CELSR1: variants seen among roughly 807,000 people sequenced by gnomAD.
CELSR1 encodes adhesion G protein-coupled receptor C1.
CELSR1 carries 110 observed loss-of-function variants against 249.1 expected under a neutral mutation model. That is an observed-to-expected ratio of 0.44 (90% CI 0.38 to 0.52). CELSR1 has a LOEUF of 0.52. Ranked by LOEUF, CELSR1 falls within the 20% of genes least tolerant of loss-of-function variation. The pLI, the probability that CELSR1 is intolerant of heterozygous loss-of-function variation, is 0.00. For synonymous variants in CELSR1, 2,113 were observed against 1,900.0 expected, an observed-to-expected ratio of 1.11 and a Z score of -2.92; for missense variants, 4,109 against 4,296.4, an observed-to-expected ratio of 0.96 and a Z score of 1.22.
Position 46,393,890 on chromosome 22 carries a change from C to T in CELSR1, c.5964+252G>A, listed in dbSNP as rs558240745. ...GAGGCAGGGATTCCTGTTCCACGGG[C>T]GGGGGCTGGCAGGGCTGAACCCGTA... On this transcript the variant is annotated intron_variant, in intron 14 of 34. Transcript: ENST00000674500. This position sits in a 1 kb window ranked among gnomAD's most constrained non-coding sequence, Gnocchi z 4.1. 2.0e-3 allele frequency among the ~76,000 whole-genome samples: 299 copies of T among 152,268 alleles called. 4 individuals are homozygous for T. Among genetic ancestry groups the T allele is most frequent in the East Asian group, 1.7e-3 (9 of 5,180 alleles).
In CELSR1 at chr22:46,363,160, T is replaced by G. The variant is rs1569099035; in HGVS notation, c.*63A>C. 6.2e-7 allele frequency: 1 copy of G among 1,613,700 alleles called. No individual in the cohort carries two copies. Among genetic ancestry groups the G allele is most frequent in the South Asian group, 1.1e-5 (1 of 91,074 alleles). Reference sequence around the variant, plus strand: ...TCTGAGGGTGATGCCGCAGCCTGTGTGGGGTGACGGGCTTGCCTCACGGTT... The same window carrying G: ...TCTGAGGGTGATGCCGCAGCCTGTGGGGGGTGACGGGCTTGCCTCACGGTT... On this transcript the variant is annotated 3_prime_UTR_variant, in exon 35 of 35. Coordinates refer to ENST00000674500, the MANE Select transcript of CELSR1 (RefSeq NM_001378328.1). This position sits in a 1 kb window ranked among gnomAD's most constrained non-coding sequence, Gnocchi z 4.3.
intron 1 of CELSR1, among the ~76,000 whole-genome samples, chr22:46,477,463 G>A (rs1299295234): frequency 6.6e-6 from 1 of 152,034 alleles, no homozygotes; most frequent in Non-Finnish European, 1.5e-5. Context: ...CCTGTGGGGA[G>A]ACGCTGAGTG....
At chr22:46,364,996 C>T (rs961109795) in intron 32 of CELSR1, among the ~76,000 whole-genome samples, 3 of 152,226 alleles carry the variant, frequency 2.0e-5, no homozygotes, top group African/African-American at 4.8e-5. Context: ...CTTGCGGTGA[C>T]AGTCCACAGA....
intron 1 of CELSR1, among the ~76,000 whole-genome samples, chr22:46,504,568 C>A (rs1329709030): frequency 6.6e-6 from 1 of 150,594 alleles, no homozygotes; most frequent in African/African-American, 2.4e-5. Context: ...ACTGCATCTT[C>A]CCCAAAGAGA....
chr22:46,371,474 G>C (rs142785630), intron 25 of CELSR1, among the ~76,000 whole-genome samples: 79 of 152,284 alleles, frequency 5.2e-4, no homozygotes, highest in Middle Eastern at 3.4e-3. Flanking sequence ...CCAACTTTCT[G>C]ATTTTAAGCA....
At position 46,536,062 on chromosome 22, in the gene CELSR1, T is replaced by G. The variant is rs780817483; in HGVS notation, c.1109A>C (p.Tyr370Ser). 2 of 1,611,008 alleles carry G rather than the reference T, an allele frequency of 1.2e-6. No homozygotes were observed. The highest frequency in any genetic ancestry group is 1.7e-6 in the Non-Finnish European group (2 of 1,179,934). The stretch of plus-strand genomic sequence containing the variant: ...GCTGGCGCGGATGGTCAGCACCTCG[T>G]AGCCCACCTCCAGGTTCTCCCGCAC... ...ERVRENLEVGYEVLTIRASDR... is the reference protein window; with the variant it reads ...ERVRENLEVGSEVLTIRASDR... Residue 370 changes from tyrosine (Y) to serine (S), a missense_variant, in exon 1 of 35, where the codon TAC becomes TCC. Tyr to Ser is a moderately radical substitution (Grantham distance 144). Around this residue, in one of 7 missense-constraint regions of CELSR1, gnomAD observed 673 missense variants for 636.8 expected, o/e 1.06. Transcript: ENST00000674500.
intron 5 of CELSR1, among the ~76,000 whole-genome samples, chr22:46,415,067 G>C (rs990164357): frequency 3.3e-5 from 5 of 152,222 alleles, no homozygotes; most frequent in Admixed American, 1.3e-4. Flanking sequence ...GTCCAGGACA[G>C]GCACATCCAC....
intron 9 of CELSR1, among the ~76,000 whole-genome samples, chr22:46,405,304 CA>C (rs1460608439): frequency 7.3e-5 from 11 of 151,076 alleles, no homozygotes; most frequent in African/African-American, 2.4e-4. Flanking sequence ...ACTAAAAATA[CA>C]AAAAATTAGC....
intron 2 of CELSR1, among the ~76,000 whole-genome samples, chr22:46,443,227 G>A (rs1569166626): frequency 6.6e-6 from 1 of 152,244 alleles, no homozygotes; most frequent in African/African-American, 2.4e-5. Flanking sequence ...GAGCATGCAC[G>A]GCCTCCACGC....
chr22:46,524,869 G>A (rs9615379), intron 1 of CELSR1, among the ~76,000 whole-genome samples: 50,261 of 152,096 alleles, frequency 0.33, 9,044 homozygotes, highest in African/African-American at 0.47. Flanking sequence ...GGCTGTCCGT[G>A]CTTCTGCGCA....
intron 24 of CELSR1, among the ~76,000 whole-genome samples, chr22:46,375,213 C>CCGGTGT (rs1569112909): frequency 6.6e-6 from 1 of 152,208 alleles, no homozygotes; most frequent in Non-Finnish European, 1.5e-5. Context: ...GCCGGTCCAG[C>CCGGTGT]CCCACAGACA....
At chr22:46,419,582 G>A (rs1395242628) in intron 5 of CELSR1, among the ~76,000 whole-genome samples, 1 of 152,220 alleles carries the variant, frequency 6.6e-6, no homozygotes, top group African/African-American at 2.4e-5. Flanking sequence ...CCACAACACA[G>A]TAGCCTGAGT....
Position 46,534,746 on chromosome 22 carries a change from C to T in CELSR1, c.2425G>A (p.Ala809Thr), listed in dbSNP as rs774875014. 1.2e-6 allele frequency: 2 copies of T among 1,613,096 alleles called. No individual in the cohort carries two copies. Among genetic ancestry groups the T allele is most frequent in the South Asian group, 2.2e-5 (2 of 91,082 alleles). ...SEDRPVGTSI[A>T]TLSANDEDTG... Reference sequence around the variant, plus strand: ...TCCTCATCGTTGGCACTGAGGGTAGCAATGGAGGTGCCCACAGGCCTGTCC... The same window carrying T: ...TCCTCATCGTTGGCACTGAGGGTAGTAATGGAGGTGCCCACAGGCCTGTCC... The change falls in exon 1 of 35, where the codon GCT becomes ACT. Residue 809 changes from alanine (A) to threonine (T), a missense_variant. Physicochemically the swap from Ala to Thr is moderately conservative, Grantham distance 58. Coordinates refer to ENST00000674500, the MANE Select transcript of CELSR1 (RefSeq NM_001378328.1). This position sits in a 1 kb window ranked among gnomAD's most constrained non-coding sequence, Gnocchi z 9.7.
intron 20 of CELSR1, among the ~76,000 whole-genome samples, chr22:46,383,998 T>TA (rs747467526): frequency 6.6e-6 from 1 of 151,872 alleles, no homozygotes; most frequent in Admixed American, 6.6e-5. Flanking sequence ...CAGGCTGGCA[T>TA]ATCTCGGCTC....
chr22:46,491,032 C>A (rs2080362220), intron 1 of CELSR1, among the ~76,000 whole-genome samples: 1 of 151,966 alleles, frequency 6.6e-6, no homozygotes, highest in South Asian at 2.1e-4. Flanking sequence ...AAATGGAGGG[C>A]CCCCCAACAT....
chr22:46,457,831 G>C (rs1179865155), intron 2 of CELSR1, among the ~76,000 whole-genome samples: 2 of 152,202 alleles, frequency 1.3e-5, no homozygotes, highest in African/African-American at 4.8e-5. Flanking sequence ...AAGTGTACGT[G>C]ATTGGAGGGT....
chr22:46,529,460 G>C lies in CELSR1; in HGVS notation c.3544+4167C>G, dbSNP rs141212113. ...GAATGGTTACCAGAAGCTGGGAAGG[G>C]GGTAGCAGGAGGAAGGTGGATGGTC... On this transcript the variant is annotated intron_variant, in intron 1 of 34. Transcript: ENST00000674500. Among the ~76,000 whole-genome samples the C allele has an allele frequency of 9.2e-5, 14 of 152,050 alleles. No individual in the cohort carries two copies. The East Asian group carries it at 2.7e-3, about 29-fold the overall frequency.
Position 46,534,795 on chromosome 22 carries a change from G to T in CELSR1, c.2376C>A (p.Ser792=). 1 of 1,613,228 alleles carries T rather than the reference G, an allele frequency of 6.2e-7. No homozygotes were observed. Residue 792 remains serine (S), a synonymous_variant, in exon 1 of 35, where the codon TCC becomes TCA. Transcript: ENST00000674500. This position sits in a 1 kb window ranked among gnomAD's most constrained non-coding sequence, Gnocchi z 9.7. Reference sequence around the variant, plus strand: ...CCTCACTGACACTCACTGTGTAATGGGAGCTCTGAAAGACAGGCCTGTGGG... The same window carrying T: ...CCTCACTGACACTCACTGTGTAATGTGAGCTCTGAAAGACAGGCCTGTGGG... ...ANTHRPVFQS[S]HYTVSVSEDR... is the part of the protein sequence containing the mutation.
chr22:46,468,381 GTC>G lies in CELSR1; in HGVS notation c.3545-4038_3545-4037del. Among the ~76,000 whole-genome samples the G allele has an allele frequency of 1.2e-5, 1 of 83,122 alleles. No individual in the cohort carries two copies. The highest frequency in any genetic ancestry group is 2.4e-5 in the Non-Finnish European group (1 of 41,054). 54.5% of individuals were successfully genotyped at this position (83,122 alleles called of 152,430 possible). ...AGCCTGGGCAACAAAGCAAGACTCTGTCTCAAAAAAAAAAAAAAATGTGGTCC... is the reference window on the plus strand; with the variant it reads ...AGCCTGGGCAACAAAGCAAGACTCTGTCAAAAAAAAAAAAAAATGTGGTCC... On this transcript the variant is annotated intron_variant, in intron 1 of 34. Transcript: ENST00000674500. This position sits in a 1 kb window ranked among gnomAD's most constrained non-coding sequence, Gnocchi z 4.5.
Sources: allele counts gnomAD v4.1 joint callset (sites outside exome capture counted in the v4.1 genomes callset), GRCh38; gene constraint gnomAD v4.1.1; regional missense constraint gnomAD v4.1.1; non-coding constraint Gnocchi (gnomAD v3.1); transcripts MANE v1.5; gene names NCBI Gene and HGNC (gene_info 2026-07-23, HGNC 2026-07-21).